The following PPFIBP2 variants were observed in gnomAD, a reference collection of about 807,000 sequenced individuals.
PPFIBP2 encodes PPFIB scaffold protein 2.
In PPFIBP2, 118 loss-of-function variants were observed where a neutral mutation model predicts 118.3. The observed-to-expected ratio is 1.00, with a 90% CI of 0.86 to 1.16. PPFIBP2 has a LOEUF of 1.16. PPFIBP2 is among the 50% of genes most tolerant of loss of function. The pLI is 0.00. For synonymous variants in PPFIBP2, 414 were observed against 397.4 expected (o/e 1.04, Z -0.50); for missense variants, 1,195 against 1,073.1 (o/e 1.11, Z -1.59).
At chr11:7,550,640 G>T (rs138145007) in intron 2 of PPFIBP2, among the ~76,000 whole-genome samples, 1 of 152,302 alleles carries the variant, frequency 6.6e-6, no homozygotes, top group South Asian at 2.1e-4. Context: ...CTGGGATGTC[G>T]TGATGTTTAA....
In PPFIBP2 at chr11:7,597,612, TG is replaced by T; in HGVS notation, c.427del (p.Glu143LysfsTer9). On this transcript the variant is annotated frameshift_variant, in exon 5 of 24. Coordinates refer to ENST00000299492, the MANE Select transcript of PPFIBP2 (RefSeq NM_003621.5). LOFTEE classifies it high-confidence loss of function. ...VEAQGEKIRD[L>X]EVCLEGHQVK... ...GCCCAGGGAGAAAAGATTCGAGACC[TG>T]GAAGTGTGTCTGGAAGGACACCAGG... 6.2e-7 allele frequency: 1 copy of T among 1,614,068 alleles called. No individual in the cohort carries two copies. Among genetic ancestry groups the T allele is most frequent in the Non-Finnish European group, 8.5e-7 (1 of 1,180,014 alleles).
intron 5 of PPFIBP2, among the ~76,000 whole-genome samples, chr11:7,602,967 A>G (rs116473545): frequency 2.2e-3 from 331 of 152,354 alleles, no homozygotes; most frequent in African/African-American, 7.3e-3. Context: ...TCAGAGTTAT[A>G]GTAAAGTTAT....
chr11:7,663,433 G>T, the PPFIBP2 span, among the ~76,000 whole-genome samples: 174 of 152,090 alleles, frequency 1.1e-3, no homozygotes, highest in East Asian at 0.02. Flanking sequence ...TGCCCCTGCT[G>T]GGGGGTGCCT....
chr11:7,548,413 G>GC (rs551706160), intron 1 of PPFIBP2: 2 of 152,234 alleles, frequency 1.3e-5, no homozygotes, highest in Non-Finnish European at 2.9e-5. Flanking sequence ...TGGAAGCCGT[G>GC]CCCCTGTTCT....
chr11:7,568,891 C>T (rs1334918607), intron 3 of PPFIBP2: 1 of 152,214 alleles, frequency 6.6e-6, no homozygotes, highest in Non-Finnish European at 1.5e-5. Context: ...TTAATTTATT[C>T]ACAAGCTATG....
At chr11:7,583,692 G>C (rs1331702064) in intron 3 of PPFIBP2, among the ~76,000 whole-genome samples, 1 of 152,172 alleles carries the variant, frequency 6.6e-6, no homozygotes, top group Non-Finnish European at 1.5e-5. Context: ...AAAAATCTTG[G>C]TAAATGTGTT....
intron 3 of PPFIBP2, among the ~76,000 whole-genome samples, chr11:7,566,257 GA>G (rs995338379): frequency 2.6e-5 from 4 of 152,136 alleles, no homozygotes; most frequent in African/African-American, 9.7e-5. Context: ...CTAAACTTTT[GA>G]AAATTAGTTT....
chr11:7,533,214 A>G (rs1850907253), intron 1 of PPFIBP2, among the ~76,000 whole-genome samples: 1 of 152,140 alleles, frequency 6.6e-6, no homozygotes, highest in Admixed American at 6.5e-5. Flanking sequence ...CCCTTATGGT[A>G]GAGACGCTTT....
At chr11:7,605,684 C>T (rs1847253904) in intron 5 of PPFIBP2, 1 of 1,305,424 alleles carries the variant, frequency 7.7e-7, no homozygotes, top group Admixed American at 3.8e-5. Context: ...AATGTTGCTT[C>T]AAGGAAGTTG....
intron 5 of PPFIBP2, among the ~76,000 whole-genome samples, chr11:7,602,610 T>C (rs961677376): frequency 4.6e-5 from 7 of 152,134 alleles, no homozygotes; most frequent in African/African-American, 7.2e-5. Context: ...TTTACAGATA[T>C]AATCAATGTA....
chr11:7,542,643 A>T (rs114699418), intron 1 of PPFIBP2, among the ~76,000 whole-genome samples: 3,099 of 152,268 alleles, frequency 0.02, 92 homozygotes, highest in African/African-American at 0.071. Flanking sequence ...CAAAGTCTTC[A>T]CCAATTATGT....
At chr11:7,528,350 A>G (rs1006852283) in intron 1 of PPFIBP2, among the ~76,000 whole-genome samples, 2 of 152,204 alleles carry the variant, frequency 1.3e-5, no homozygotes, top group East Asian at 1.9e-4. Context: ...TTCACATTAC[A>G]ATAGAAACTG....
chr11:7,623,461 G>A (rs954887698), intron 7 of PPFIBP2, among the ~76,000 whole-genome samples: 13 of 152,210 alleles, frequency 8.5e-5, no homozygotes, highest in Admixed American at 2.0e-4. Flanking sequence ...TCCCAACTGC[G>A]GAGACAGAGA....
chr11:7,660,228 G>C (rs762686740), downstream of PPFIBP2, among the ~76,000 whole-genome samples: 1 of 126,936 alleles, frequency 7.9e-6, no homozygotes, highest in African/African-American at 2.5e-5. Context: ...TCTTGTGCCC[G>C]TTTTCAAAGG....
intron 2 of PPFIBP2, among the ~76,000 whole-genome samples, chr11:7,559,751 G>C (rs1247609710): frequency 6.6e-6 from 1 of 152,032 alleles, no homozygotes; most frequent in African/African-American, 2.4e-5. Flanking sequence ...TCAACTTACT[G>C]CTTTCACTGG....
At chr11:7,639,530 G>A (rs1229103580) in intron 14 of PPFIBP2, among the ~76,000 whole-genome samples, 1 of 152,180 alleles carries the variant, frequency 6.6e-6, no homozygotes, top group African/African-American at 2.4e-5. Flanking sequence ...CTGTCTTACT[G>A]TGTGGCCTTG....
At chr11:7,654,909 A>C (rs923905725), downstream of PPFIBP2, among the ~76,000 whole-genome samples, 2 of 152,292 alleles carry the variant, frequency 1.3e-5, no homozygotes, top group East Asian at 3.9e-4. Flanking sequence ...GATGTTTCCA[A>C]ATCTACAGTG....
At chr11:7,548,982 C>T (rs936439396) in intron 1 of PPFIBP2, among the ~76,000 whole-genome samples, 51 of 152,216 alleles carry the variant, frequency 3.4e-4, no homozygotes, top group African/African-American at 1.2e-3. Flanking sequence ...AGGGCAAATG[C>T]AGATGTAAGA....
At chr11:7,613,787 G>A (rs1848337029) in intron 6 of PPFIBP2, among the ~76,000 whole-genome samples, 2 of 152,192 alleles carry the variant, frequency 1.3e-5, no homozygotes, top group Non-Finnish European at 2.9e-5. Flanking sequence ...CCCCACTGTG[G>A]CAACTAGAGG....
Sources: allele counts gnomAD v4.1 joint callset (sites outside exome capture counted in the v4.1 genomes callset), GRCh38; gene constraint gnomAD v4.1.1; transcripts MANE v1.5; gene names NCBI Gene and HGNC (gene_info 2026-07-23, HGNC 2026-07-21).